The following BACE2 variants were observed in gnomAD, a reference collection of about 807,000 sequenced individuals.
BACE2 encodes the protein 56 kDa aspartic-like protease.
Under a neutral mutation model 46.2 loss-of-function variants are expected in BACE2, and 17 were observed. The observed-to-expected ratio is 0.37, with a 90% CI of 0.25 to 0.55. The LOEUF is 0.55. Among genes scored for constraint, BACE2 ranks in the 20% least tolerant of loss-of-function variants. The pLI is 0.82. For missense variants in BACE2, 595 were observed against 698.1 expected, an observed-to-expected ratio of 0.85 and a Z score of 1.66; for synonymous variants, 277 against 295.9, an observed-to-expected ratio of 0.94 and a Z score of 0.66.
At chr21:41,238,596 C>A (rs1019378164) in intron 3 of BACE2, among the ~76,000 whole-genome samples, 5 of 151,826 alleles carry the variant, frequency 3.3e-5, no homozygotes, top group African/African-American at 9.7e-5. Context: ...AATGTGGCAC[C>A]TATACACCAT....
intron 8 of BACE2, among the ~76,000 whole-genome samples, chr21:41,272,735 G>C (rs1487749971): frequency 6.6e-6 from 1 of 151,826 alleles, no homozygotes; most frequent in Non-Finnish European, 1.5e-5. Context: ...TTGATATCCT[G>C]CCTGCTAATT....
chr21:41,209,556 G>A lies in BACE2; in HGVS notation c.313-16710G>A, dbSNP rs187861108. Among the ~76,000 whole-genome samples, 8 of 152,280 alleles carry A rather than the reference G, an allele frequency of 5.3e-5. No individual in the cohort carries two copies. The East Asian group carries it at 9.6e-4, about 18-fold the overall frequency. ...AACAGCCCTGTAACGAGAAAAAGCCGCACTACCCCTCTTTAAGTTCAAACA... is the reference window on the plus strand; with the variant it reads ...AACAGCCCTGTAACGAGAAAAAGCCACACTACCCCTCTTTAAGTTCAAACA... On this transcript the variant is annotated intron_variant, in intron 1 of 8. Coordinates refer to ENST00000330333, the MANE Select transcript of BACE2 (RefSeq NM_012105.5).
intron 1 of BACE2, among the ~76,000 whole-genome samples, chr21:41,222,857 G>A (rs2123567473): frequency 6.6e-6 from 1 of 152,288 alleles, no homozygotes; most frequent in East Asian, 1.9e-4. Context: ...GCCATGAGGG[G>A]AAGGAAGCCC....
At chr21:41,270,843 G>A (rs992859466) in intron 8 of BACE2, among the ~76,000 whole-genome samples, 1 of 152,052 alleles carries the variant, frequency 6.6e-6, no homozygotes, top group African/African-American at 2.4e-5. Context: ...GTGTTGTTTA[G>A]GTATTCTATA....
intron 1 of BACE2, among the ~76,000 whole-genome samples, chr21:41,170,038 GC>G (rs1984548416): frequency 6.6e-6 from 1 of 152,142 alleles, no homozygotes; most frequent in East Asian, 1.9e-4. Context: ...TTTGGAACAG[GC>G]CTTGAATGAA....
intron 1 of BACE2, among the ~76,000 whole-genome samples, chr21:41,174,137 GCC>G (rs1370506823): frequency 2.1e-4 from 21 of 98,834 alleles, no homozygotes; most frequent in African/African-American, 5.1e-4. Flanking sequence ...GTGATCAGTG[GCC>G]TTTTTTTTTT....
At chr21:41,216,569 C>A (rs78617956) in intron 1 of BACE2, among the ~76,000 whole-genome samples, 318 of 152,330 alleles carry the variant, frequency 2.1e-3, no homozygotes, top group Non-Finnish European at 3.6e-3. Flanking sequence ...AGTGACACCC[C>A]CTGAGAGGCA....
At chr21:41,192,839 C>A (rs1269476473) in intron 1 of BACE2, among the ~76,000 whole-genome samples, 1 of 152,208 alleles carries the variant, frequency 6.6e-6, no homozygotes, top group African/African-American at 2.4e-5. Flanking sequence ...GAATGTGTTC[C>A]CTCCGAAATC....
intron 1 of BACE2, chr21:41,182,338 C>T (rs1198599792): frequency 6.0e-6 from 1 of 167,066 alleles, no homozygotes; most frequent in Admixed American, 6.5e-5. Flanking sequence ...CTTAACAATA[C>T]CTGATAAGGC....
chr21:41,280,144 C>T lies in BACE2; in HGVS notation c.*4520C>T, dbSNP rs1055128752. 3.9e-5 allele frequency: 6 copies of T among 152,280 alleles called. No individual in the cohort carries two copies. Among genetic ancestry groups the T allele is most frequent in the Admixed American group, 3.9e-4 (6 of 15,276 alleles). 9.4% of individuals were successfully genotyped at this position (152,280 alleles called of 1,614,324 possible). On this transcript the variant is annotated 3_prime_UTR_variant, in exon 9 of 9. Transcript: ENST00000330333. ...ATCAAACTAGAGATGCCTCAAGGCC[C>T]ACGCAGGACACAGGCAGGTTCAAGG...
chr21:41,216,261 C>T (rs961394017), intron 1 of BACE2, among the ~76,000 whole-genome samples: 1 of 152,120 alleles, frequency 6.6e-6, no homozygotes, highest in African/African-American at 2.4e-5. Flanking sequence ...GATGTACAGC[C>T]CAGAGCGTTT....
At chr21:41,263,662 T>A (rs1987996290) in intron 8 of BACE2, among the ~76,000 whole-genome samples, 1 of 152,252 alleles carries the variant, frequency 6.6e-6, no homozygotes, top group African/African-American at 2.4e-5. Context: ...CATTGTCCTC[T>A]GGCTGTGATG....
chr21:41,230,612 C>T (rs747626665), intron 2 of BACE2, among the ~76,000 whole-genome samples: 26 of 152,218 alleles, frequency 1.7e-4, no homozygotes, highest in South Asian at 4.1e-4. Context: ...TGGGTTTGTC[C>T]GCCTCTGATT....
intron 2 of BACE2, among the ~76,000 whole-genome samples, chr21:41,234,084 A>G (rs2123588254): frequency 6.6e-6 from 1 of 152,272 alleles, no homozygotes; most frequent in East Asian, 1.9e-4. Flanking sequence ...CCAGTGGGAG[A>G]TAATTGAATC....
chr21:41,203,923 G>A lies in BACE2; in HGVS notation c.313-22343G>A, dbSNP rs192089798. ...GCTACAGAGAGAAGAGCTGTTTTTG[G>A]GGGGTGGTGGCCCCAAGCGAGAAAG... On this transcript the variant is annotated intron_variant, in intron 1 of 8. Coordinates refer to ENST00000330333, the MANE Select transcript of BACE2 (RefSeq NM_012105.5). Among the ~76,000 whole-genome samples, 11 of 152,300 alleles carry A rather than the reference G, an allele frequency of 7.2e-5. No homozygotes were observed. The East Asian group carries it at 2.1e-3, about 29-fold the overall frequency.
Position 41,237,515 on chromosome 21 carries a change from C to G in BACE2, c.404C>G (p.Ser135Cys). 6.2e-7 allele frequency: 1 copy of G among 1,612,466 alleles called. No individual in the cohort carries two copies. ...YIDTYFDTER[S>C]STYRSKGFDV... is the part of the protein sequence containing the mutation. ...ATGCTTTTCTTTTCTTTCTCCAGGT[C>G]TAGCACATACCGCTCCAAGGGCTTT... Residue 135 changes from serine (S) to cysteine (C), a missense_variant and splice_region_variant, in exon 3 of 9, where the codon TCT (serine) becomes TGT (cysteine). By Grantham distance (112) the Ser-to-Cys change is moderately radical. Around this residue, in one of 3 missense-constraint regions of BACE2, gnomAD observed 248 missense variants for 261.4 expected, o/e 0.95. Coordinates refer to ENST00000330333, the MANE Select transcript of BACE2 (RefSeq NM_012105.5).
chr21:41,187,301 C>T (rs1478175099), intron 1 of BACE2, among the ~76,000 whole-genome samples: 1 of 152,192 alleles, frequency 6.6e-6, no homozygotes, highest in African/African-American at 2.4e-5. Flanking sequence ...GGCTCAATAG[C>T]TGGCCAAAGA....
rs572924770 is a variant in BACE2, at chr21:41,233,442, C to T, written c.402-4071C>T. On this transcript the variant is annotated intron_variant, in intron 2 of 8. Transcript: ENST00000330333. ...CCAGGCAGTATAACTCCAGCTGCCTCTGCTGTCTCTGGAAATGACACCAAA... is the reference window on the plus strand; with the variant it reads ...CCAGGCAGTATAACTCCAGCTGCCTTTGCTGTCTCTGGAAATGACACCAAA... Among the ~76,000 whole-genome samples the T allele has an allele frequency of 5.3e-5, 8 of 152,332 alleles. No individual in the cohort carries two copies. The South Asian group carries it at 1.7e-3, about 32-fold the overall frequency.
chr21:41,202,014 C>T (rs1260350508), intron 1 of BACE2, among the ~76,000 whole-genome samples: 2 of 152,184 alleles, frequency 1.3e-5, no homozygotes, highest in Non-Finnish European at 2.9e-5. Flanking sequence ...ATATTAAGTG[C>T]AAATCCCATC....
Sources: allele counts gnomAD v4.1 joint callset (sites outside exome capture counted in the v4.1 genomes callset), GRCh38; gene constraint gnomAD v4.1.1; regional missense constraint gnomAD v4.1.1; transcripts MANE v1.5; gene names NCBI Gene and HGNC (gene_info 2026-07-23, HGNC 2026-07-21).